Variants in WNK2 observed in about 807,000 individuals in gnomAD.
WNK2 encodes the protein WNK lysine deficient protein kinase 2.
In WNK2, 67 loss-of-function variants were observed where a neutral mutation model predicts 192.1. The ratio of observed to expected loss-of-function variants is 0.35; its 90% CI spans 0.29 to 0.43. The LOEUF is 0.43. Among genes scored for constraint, WNK2 ranks in the 20% least tolerant of loss-of-function variants. WNK2 has a pLI of 1.00. For synonymous variants in WNK2, 1,439 were observed against 1,393.9 expected, an observed-to-expected ratio of 1.03 and a Z score of -0.72; for missense variants, 2,698 against 3,089.7, an observed-to-expected ratio of 0.87 and a Z score of 3.01.
chr9:93,191,941 C>T (rs1830397925), intron 2 of WNK2, among the ~76,000 whole-genome samples: 1 of 151,886 alleles, frequency 6.6e-6, no homozygotes, highest in African/African-American at 2.4e-5. Flanking sequence ...GCAGAAGAAT[C>T]GCTTGAACCC....
At chr9:93,313,459 A>C (rs1035339205) in intron 28 of WNK2, among the ~76,000 whole-genome samples, 1 of 149,334 alleles carries the variant, frequency 6.7e-6, no homozygotes, top group South Asian at 2.1e-4. Context: ...TCCTTCACAT[A>C]ATATTTTTTA....
chr9:93,248,223 C>A (rs1038283838), intron 8 of WNK2, among the ~76,000 whole-genome samples: 2 of 152,262 alleles, frequency 1.3e-5, no homozygotes, highest in Non-Finnish European at 2.9e-5. Context: ...CCTGTCCCCC[C>A]AGCCCACCAT....
At chr9:93,230,664 G>A (rs1306008161) in intron 3 of WNK2, among the ~76,000 whole-genome samples, 1 of 152,246 alleles carries the variant, frequency 6.6e-6, no homozygotes, top group Admixed American at 6.5e-5. Context: ...CTTGGCATGA[G>A]GGGAGCAAGA....
rs982364456 is a variant in WNK2 at position 93,194,237 on chromosome 9, T to C, written c.681+8627T>C. On this transcript the variant is annotated intron_variant, in intron 2 of 29. Transcript: ENST00000427277. The stretch of plus-strand genomic sequence containing the variant: ...CTGGACTTGATTAAAATTAAATGCT[T>C]CTGTTCTGTGAAAGACACTGTCAAG... Among the ~76,000 whole-genome samples the C allele has an allele frequency of 4.6e-5, 7 of 152,214 alleles. 1 individual carries two copies. The highest frequency in any genetic ancestry group is 8.8e-5 in the Non-Finnish European group (6 of 68,048).
At chr9:93,292,062 T>C (rs761855756) in intron 21 of WNK2, among the ~76,000 whole-genome samples, 22 of 152,144 alleles carry the variant, frequency 1.4e-4, no homozygotes, top group Non-Finnish European at 2.2e-4. Context: ...TGCCCGGGTT[T>C]ATTGGGCATC....
At chr9:93,236,711 AC>A (rs199699531) in intron 5 of WNK2, among the ~76,000 whole-genome samples, 25 of 151,986 alleles carry the variant, frequency 1.6e-4, no homozygotes, top group South Asian at 8.3e-4. Flanking sequence ...TGCCACCCGC[AC>A]CCCCCCGCAA....
In WNK2 at chr9:93,247,550, C is replaced by G. The variant is rs750414936; in HGVS notation, c.1550C>G (p.Ser517Cys). The change falls in exon 8 of 30, where the codon TCT becomes TGT. Residue 517 changes from serine to cysteine, a missense_variant. By Grantham distance (112) the Ser-to-Cys change is moderately radical. This residue lies in a region of WNK2 where 230 missense variants were observed against 501.1 expected (regional missense o/e 0.46). Transcript: ENST00000427277. The surrounding 1 kb of genome is among the most constrained non-coding windows in gnomAD (Gnocchi z 5.2). ...ACATGACTGCCTTTACAGATTGAGT[C>G]TGGATTCTTCCACGAGAGTGACGTC... The part of the protein sequence containing the change: ...PDEVAQEMIE[S>C]GFFHESDVKI... 1.2e-6 allele frequency: 2 copies of G among 1,609,978 alleles called. No homozygotes were observed. Among genetic ancestry groups the G allele is most frequent in the South Asian group, 1.1e-5 (1 of 89,992 alleles).
intron 19 of WNK2, among the ~76,000 whole-genome samples, chr9:93,283,936 A>C (rs1276390080): frequency 6.6e-6 from 1 of 152,216 alleles, no homozygotes; most frequent in East Asian, 1.9e-4. Context: ...AGAAGTGTTC[A>C]CGATAATGAG....
In WNK2 at chr9:93,252,883, C is replaced by G; in HGVS notation, c.1835C>G (p.Ser612Trp). 6.8e-7 allele frequency: 1 copy of G among 1,467,910 alleles called. No individual in the cohort carries two copies. Among genetic ancestry groups the G allele is most frequent in the Non-Finnish European group, 9.1e-7 (1 of 1,102,138 alleles). 90.9% of individuals were successfully genotyped at this position (1,467,910 alleles called of 1,614,324 possible). A position where few individuals can be genotyped will look rare whatever the true frequency, so the allele number is the denominator to read the frequency against. ...TAAGTCCTGCTTTTGTCCTCCCCAG[C>G]GGACAGCACCTTCGACAGCGGCCAG... is the stretch of plus-strand genomic sequence containing the variant. Reference protein sequence around the residue: ...TLPTSATSLASDSTFDSGQGS... With the variant: ...TLPTSATSLAWDSTFDSGQGS... The change falls in exon 9 of 30, where the codon TCG becomes TGG. Residue 612 changes from serine to tryptophan, a missense_variant and splice_region_variant. This residue lies in a region of WNK2 where 893 missense variants were observed against 909.0 expected (regional missense o/e 0.98). Transcript: ENST00000427277.
Position 93,268,012 on chromosome 9 carries a change from T to C in WNK2, c.3868-8T>C. On this transcript the variant is annotated splice_polypyrimidine_tract_variant and splice_region_variant and intron_variant, in intron 17 of 29. Coordinates refer to ENST00000427277, the MANE Select transcript of WNK2 (RefSeq NM_006648.4). ...GTGGGCTCATTTCTGACCCTCCACCTCATTCAGGAGAGCCGACAATCCCAA... is the reference window on the plus strand; with the variant it reads ...GTGGGCTCATTTCTGACCCTCCACCCCATTCAGGAGAGCCGACAATCCCAA... The C allele has an allele frequency of 6.2e-7, 1 of 1,611,188 alleles. No individual in the cohort carries two copies. Among genetic ancestry groups the C allele is most frequent in the Non-Finnish European group, 8.5e-7 (1 of 1,178,838 alleles).
chr9:93,187,354 C>T (rs1045022927), intron 2 of WNK2, among the ~76,000 whole-genome samples: 4 of 152,118 alleles, frequency 2.6e-5, no homozygotes, highest in Admixed American at 1.3e-4. Context: ...GAACAGCAAC[C>T]GAGAGGTGCT....
At position 93,256,331 on chromosome 9, in the gene WNK2, C is replaced by T. The variant is rs372392898; in HGVS notation, c.2067C>T (p.Pro689=). 5.0e-5 allele frequency: 79 copies of T among 1,583,314 alleles called. No homozygotes were observed. Among genetic ancestry groups the T allele is most frequent in the African/African-American group, 2.3e-4 (17 of 74,444 alleles). The change falls in exon 10 of 30, where the codon CCC becomes CCT. Residue 689 remains proline (P), a synonymous_variant. Coordinates refer to ENST00000427277, the MANE Select transcript of WNK2 (RefSeq NM_006648.4). ...TGCCGGTGGGCTCTGTCCCGGCCCC[C>T]GCCTGCCCTCCGTCCCTCCAGCAGC... The part of the protein sequence containing the change: ...PGLPVGSVPA[P]ACPPSLQQHF...
chr9:93,263,685 C>T lies in WNK2; in HGVS notation c.3530C>T (p.Ala1177Val), dbSNP rs771940274. ...ARKHHRRSTRARSRQERASRP... is the reference protein window; with the variant it reads ...ARKHHRRSTRVRSRQERASRP... ...AAACACCACCGCAGGTCCACGCGTG[C>T]GCGCTCCCGGCAGGAGAGGGCCAGC... is the stretch of plus-strand genomic sequence containing the variant. Residue 1177 changes from alanine (A) to valine (V), a missense_variant, in exon 15 of 30, where the codon GCG (alanine) becomes GTG (valine). This residue lies in a region of WNK2 where 893 missense variants were observed against 909.0 expected (regional missense o/e 0.98). Coordinates refer to ENST00000427277, the MANE Select transcript of WNK2 (RefSeq NM_006648.4). The T allele has an allele frequency of 3.1e-5, 49 of 1,566,572 alleles. No homozygotes were observed. The highest frequency in any genetic ancestry group is 6.9e-5 in the South Asian group (6 of 86,678).
chr9:93,247,477 A>G lies in WNK2; in HGVS notation c.1543-66A>G. 1 of 1,534,544 alleles carries G rather than the reference A, an allele frequency of 6.5e-7. No individual in the cohort carries two copies. The highest frequency in any genetic ancestry group is 8.8e-7 in the Non-Finnish European group (1 of 1,129,986). ...TGAGCCAGTGATGGGAAAGCACTTT[A>G]GGTAAGGGGTGTGGGCCGGTGAGGG... is the stretch of plus-strand genomic sequence containing the variant. On this transcript the variant is annotated intron_variant, in intron 7 of 29. Transcript: ENST00000427277. This position sits in a 1 kb window ranked among gnomAD's most constrained non-coding sequence, Gnocchi z 5.2.
intron 4 of WNK2, among the ~76,000 whole-genome samples, chr9:93,231,593 G>A (rs552026902): frequency 3.3e-5 from 5 of 152,366 alleles, no homozygotes; most frequent in African/African-American, 9.6e-5. Context: ...CACCCGGGCT[G>A]TGAGGCCCAA....
chr9:93,273,128 G>A (rs1393402003), intron 19 of WNK2, among the ~76,000 whole-genome samples: 1 of 152,210 alleles, frequency 6.6e-6, no homozygotes, highest in African/African-American at 2.4e-5. Flanking sequence ...GAAATTACCA[G>A]GGTTAAAAAG....
At chr9:93,223,330 C>A (rs1315493851) in intron 2 of WNK2, among the ~76,000 whole-genome samples, 1 of 152,236 alleles carries the variant, frequency 6.6e-6, no homozygotes, top group African/African-American at 2.4e-5. Flanking sequence ...AAACATCATG[C>A]CTGCACAGAG....
At position 93,185,103 on chromosome 9, in the gene WNK2, G is replaced by T; in HGVS notation, c.174G>T (p.Glu58Asp). Residue 58 changes from glutamate to aspartate, a missense_variant, in exon 2 of 30, where the codon GAG becomes GAT. Coordinates refer to ENST00000427277, the MANE Select transcript of WNK2 (RefSeq NM_006648.4). ...ESDQEEPPGL[E>D]AAEAPGPQPP... ...ACCAGGAGGAGCCGCCGGGCTTGGA[G>T]GCAGCCGAGGCGCCGGGCCCGCAGC... The T allele has an allele frequency of 7.6e-7, 1 of 1,313,042 alleles. No individual in the cohort carries two copies. Among genetic ancestry groups the T allele is most frequent in the South Asian group, 1.9e-5 (1 of 52,192 alleles). 81.3% of individuals were successfully genotyped at this position (1,313,042 alleles called of 1,614,324 possible). A position where few individuals can be genotyped will look rare whatever the true frequency, so the allele number is the denominator to read the frequency against.
At chr9:93,279,659 T>A (rs1357345624) in intron 19 of WNK2, among the ~76,000 whole-genome samples, 2 of 152,170 alleles carry the variant, frequency 1.3e-5, no homozygotes, top group East Asian at 1.9e-4. Context: ...TTTCAATAAT[T>A]ATTATAAAAC....
Sources: allele counts gnomAD v4.1 joint callset (sites outside exome capture counted in the v4.1 genomes callset), GRCh38; gene constraint gnomAD v4.1.1; regional missense constraint gnomAD v4.1.1; non-coding constraint Gnocchi (gnomAD v3.1); transcripts MANE v1.5; gene names NCBI Gene and HGNC (gene_info 2026-07-23, HGNC 2026-07-21).